XKR4: variants seen among roughly 807,000 people sequenced by gnomAD.
The protein encoded by XKR4 is XK related 4, also known as XK-related protein 4.
A neutral mutation model predicts 53.9 loss-of-function variants in XKR4; 12 were observed. The observed-to-expected ratio is 0.22, with a 90% CI of 0.14 to 0.36. The LOEUF (loss-of-function observed/expected upper bound fraction) is 0.36, where lower values mean the gene tolerates loss of function less well. Ranked by LOEUF, XKR4 falls within the 10% of genes least tolerant of loss-of-function variation. The pLI is 1.00. For missense variants in XKR4, 799 were observed against 859.5 expected (o/e 0.93, Z 0.88); for synonymous variants, 354 against 362.4 (o/e 0.98, Z 0.26).
At chr8:55,468,021 T>C (rs1019163023) in intron 2 of XKR4, among the ~76,000 whole-genome samples, 1 of 152,170 alleles carries the variant, frequency 6.6e-6, no homozygotes, top group African/African-American at 2.4e-5. Flanking sequence ...TTTTATGCTT[T>C]AACATATTTT....
At chr8:55,181,388 A>G (rs1459091540) in intron 1 of XKR4, among the ~76,000 whole-genome samples, 1 of 152,030 alleles carries the variant, frequency 6.6e-6, no homozygotes, top group Non-Finnish European at 1.5e-5. Flanking sequence ...TCATATCTCT[A>G]CATTTTACAC....
chr8:55,170,916 C>T (rs2129358437), intron 1 of XKR4, among the ~76,000 whole-genome samples: 1 of 152,290 alleles, frequency 6.6e-6, no homozygotes, highest in South Asian at 2.1e-4. Context: ...AAGTCTCTCC[C>T]CCTCCCTTCT....
rs952882538 is a variant in XKR4, at chr8:55,524,290, T to C, written c.*63T>C. The stretch of plus-strand genomic sequence containing the variant: ...AGGGGTGACAGCAGGGCTGTGGCCA[T>C]AATGACACTTCATCCTAGAGCAGGG... On this transcript the variant is annotated 3_prime_UTR_variant, in exon 3 of 3. Coordinates refer to ENST00000327381, the MANE Select transcript of XKR4 (RefSeq NM_052898.2). 54 of 1,474,630 alleles carry C rather than the reference T, an allele frequency of 3.7e-5. No homozygotes were observed. The highest frequency in any genetic ancestry group is 4.2e-5 in the African/African-American group (3 of 71,652). 91.3% of individuals were successfully genotyped at this position (1,474,630 alleles called of 1,614,324 possible).
intron 2 of XKR4, among the ~76,000 whole-genome samples, chr8:55,371,774 C>G (rs1274572446): frequency 1.3e-5 from 2 of 152,194 alleles, no homozygotes; most frequent in African/African-American, 2.4e-5. Context: ...CCAAGTTATA[C>G]TTAGAAGAAC....
In XKR4 at chr8:55,209,659, T is replaced by TC. The variant is rs563866070; in HGVS notation, c.806+106365_806+106366insC. 3.5e-4 allele frequency among the ~76,000 whole-genome samples: 54 copies of TC among 152,244 alleles called. No homozygotes were observed. The East Asian group carries it at 7.4e-3, about 21-fold the overall frequency. On this transcript the variant is annotated intron_variant, in intron 1 of 2. Transcript: ENST00000327381. The stretch of plus-strand genomic sequence containing the variant: ...CCCATTGTGGTCCATGTCCCACACA[T>TC]GGTTTGTGAGGTTGATGTGGCTGTG...
chr8:55,160,353 G>T (rs1395456306), intron 1 of XKR4, among the ~76,000 whole-genome samples: 1 of 152,098 alleles, frequency 6.6e-6, no homozygotes, highest in East Asian at 1.9e-4. Flanking sequence ...GGGGAGGAAA[G>T]GTGAGAGACA....
At chr8:55,241,985 C>A (rs932651356) in intron 1 of XKR4, among the ~76,000 whole-genome samples, 1 of 151,994 alleles carries the variant, frequency 6.6e-6, no homozygotes, top group Non-Finnish European at 1.5e-5. Context: ...TCTGTACATG[C>A]TAAACTTTTA....
At chr8:55,140,913 T>C (rs541328879) in intron 1 of XKR4, among the ~76,000 whole-genome samples, 3 of 152,362 alleles carry the variant, frequency 2.0e-5, no homozygotes, top group African/African-American at 7.2e-5. Context: ...GATGTTCATT[T>C]GTCCATTTTT....
In XKR4 at chr8:55,312,916, G is replaced by A. The variant is rs536047620; in HGVS notation, c.807-44762G>A. On this transcript the variant is annotated intron_variant, in intron 1 of 2. Transcript: ENST00000327381. ...GTTGTGGATCTTAGATGTGGACTCT[G>A]TCTCCTCCCTAGGATAGTTCTGAAC... Among the ~76,000 whole-genome samples, 4 of 152,246 alleles carry A rather than the reference G, an allele frequency of 2.6e-5. No homozygotes were observed. In the South Asian group the frequency reaches 8.3e-4, roughly 32 times the overall value.
At position 55,527,560 on chromosome 8, in the gene XKR4, A is replaced by C. The variant is rs1344383702; in HGVS notation, c.*3333A>C. ...ACTTTAAGTGTTTGTGTGAAAGAAA[A>C]GGAAATAATTTTTCCATGTAAGTCA... On this transcript the variant is annotated 3_prime_UTR_variant, in exon 3 of 3. Transcript: ENST00000327381. 6.6e-6 allele frequency: 1 copy of C among 152,244 alleles called. No homozygotes were observed. The highest frequency in any genetic ancestry group is 1.5e-5 in the Non-Finnish European group (1 of 68,040). The allele number at this position is 152,244 out of a possible 1,614,324, so 9.4% of individuals were successfully genotyped here. A position where few individuals can be genotyped will look rare whatever the true frequency, so the allele number is the denominator to read the frequency against.
chr8:55,513,506 C>T (rs4509295), intron 2 of XKR4, among the ~76,000 whole-genome samples: 6,559 of 152,278 alleles, frequency 0.043, 544 homozygotes, highest in East Asian at 0.28. Flanking sequence ...CCTATCATGC[C>T]TGTTCACTCT....
At chr8:55,348,404 C>T (rs1458229018) in intron 1 of XKR4, among the ~76,000 whole-genome samples, 2 of 152,144 alleles carry the variant, frequency 1.3e-5, no homozygotes, top group Non-Finnish European at 2.9e-5. Context: ...GTAATTCTGG[C>T]TCACAGGATA....
intron 2 of XKR4, among the ~76,000 whole-genome samples, chr8:55,370,165 A>G (rs1804052297): frequency 6.6e-6 from 1 of 152,262 alleles, no homozygotes; most frequent in South Asian, 2.1e-4. Flanking sequence ...TTCAAAGGCA[A>G]GCAGGCTTTC....
chr8:55,321,817 C>A (rs182951194), intron 1 of XKR4, among the ~76,000 whole-genome samples: 15 of 152,132 alleles, frequency 9.9e-5, no homozygotes, highest in Admixed American at 2.6e-4. Flanking sequence ...GGTGAAACCC[C>A]GTCTCTACTA....
At chr8:55,506,104 C>G (rs1426383849) in intron 2 of XKR4, among the ~76,000 whole-genome samples, 4 of 152,226 alleles carry the variant, frequency 2.6e-5, no homozygotes, top group Non-Finnish European at 5.9e-5. Flanking sequence ...ATGAGATTCC[C>G]CTTGCAAAAC....
chr8:55,428,138 C>T (rs1467092989), intron 2 of XKR4, among the ~76,000 whole-genome samples: 1 of 152,078 alleles, frequency 6.6e-6, no homozygotes, highest in East Asian at 1.9e-4. Context: ...ACATGCATAT[C>T]CTATTTTTTT....
chr8:55,253,770 G>C (rs886912457), intron 1 of XKR4, among the ~76,000 whole-genome samples: 1 of 123,890 alleles, frequency 8.1e-6, no homozygotes, highest in Admixed American at 9.6e-5. Context: ...GTCTCACTCT[G>C]TTGCCCAGGT....
intron 2 of XKR4, chr8:55,452,751 C>T: frequency 2.3e-6 from 2 of 866,146 alleles, no homozygotes; most frequent in South Asian, 2.6e-5. Context: ...GTCCTCAAAG[C>T]CGCTCCCCGT....
At chr8:55,253,391 CT>C (rs748180239) in intron 1 of XKR4, among the ~76,000 whole-genome samples, 1 of 152,058 alleles carries the variant, frequency 6.6e-6, no homozygotes, top group Non-Finnish European at 1.5e-5. Flanking sequence ...GGAAGCCACA[CT>C]TTTTTTTGTA....
Sources: gnomAD v4.1 joint callset for allele counts (sites outside exome capture counted in the v4.1 genomes callset) on GRCh38, gnomAD v4.1.1 for gene constraint, MANE v1.5 for transcripts, NCBI Gene and HGNC (gene_info 2026-07-23, HGNC 2026-07-21) for gene names.